SMO: variants seen among roughly 807,000 people sequenced by gnomAD.
The protein encoded by SMO is smoothened, frizzled class receptor.
Under a neutral mutation model 81.6 loss-of-function variants are expected in SMO, and 40 were observed. The observed-to-expected ratio is 0.49, with a 90% CI of 0.38 to 0.64. The LOEUF (loss-of-function observed/expected upper bound fraction) is 0.64, where lower values mean the gene tolerates loss of function less well. SMO is among the 30% of genes least tolerant of loss of function. The pLI is 0.00. For missense variants in SMO, 916 were observed against 1,061.1 expected (o/e 0.86, Z 1.90); for synonymous variants, 434 against 432.1 (o/e 1.00, Z -0.05).
rs763192441 is a variant in SMO at position 129,208,845 on chromosome 7, C to T, written c.1351C>T (p.Arg451Cys). The change falls in exon 7 of 12, where the codon CGC becomes TGC. Residue 451 changes from arginine to cysteine, a missense_variant. Coordinates refer to ENST00000249373, the MANE Select transcript of SMO (RefSeq NM_005631.5). This position sits in a 1 kb window ranked among gnomAD's most constrained non-coding sequence, Gnocchi z 5.2. ...CAGCAAGATCAACGAGACCATGCTG[C>T]GCCTGGGTGAGTGGCCCCGGGGGAC... ...AASKINETML[R>C]LGIFGFLAFG... The T allele has an allele frequency of 6.2e-6, 10 of 1,612,072 alleles. No individual in the cohort carries two copies. The highest frequency in any genetic ancestry group is 3.3e-5 in the Admixed American group (2 of 59,972).
rs2150638393 is a variant in SMO at position 129,189,429 on chromosome 7, C to G, written c.278C>G (p.Ala93Gly). Reference protein sequence around the residue: ...LPYGATSTLLAGDSDSQEEAH... With the variant: ...LPYGATSTLLGGDSDSQEEAH... ...TACGGGGCCACCTCCACACTGCTGG[C>G]CGGAGACTCGGACTCCCAGGAGGAA... Residue 93 changes from alanine to glycine, a missense_variant, in exon 1 of 12, where the codon GCC (alanine) becomes GGC (glycine). Physicochemically the swap from Ala to Gly is moderately conservative, Grantham distance 60. Around this residue, in one of 4 missense-constraint regions of SMO, gnomAD observed 146 missense variants for 149.9 expected, o/e 0.97. Coordinates refer to ENST00000249373, the MANE Select transcript of SMO (RefSeq NM_005631.5). The surrounding 1 kb of genome is among the most constrained non-coding windows in gnomAD (Gnocchi z 4.7). 6.5e-7 allele frequency: 1 copy of G among 1,538,856 alleles called. No homozygotes were observed. The highest frequency in any genetic ancestry group is 8.7e-7 in the Non-Finnish European group (1 of 1,146,794).
chr7:129,202,061 C>T (rs1159622102), intron 1 of SMO, among the ~76,000 whole-genome samples: 1 of 152,154 alleles, frequency 6.6e-6, no homozygotes, highest in African/African-American at 2.4e-5. Context: ...GCTCTGCACC[C>T]TGGAATATAC....
At chr7:129,209,753 A>C (rs1391520086) in intron 8 of SMO, 1 of 255,332 alleles carries the variant, frequency 3.9e-6, no homozygotes, top group East Asian at 8.4e-5. Flanking sequence ...GCACAGGACT[A>C]GTTACCTCTC....
chr7:129,191,171 C>T (rs1366146917), intron 1 of SMO, among the ~76,000 whole-genome samples: 1 of 152,174 alleles, frequency 6.6e-6, no homozygotes, highest in African/African-American at 2.4e-5. Context: ...TGTGCAAGGA[C>T]CCATGGTTTA....
chr7:129,204,241 G>A (rs1220342311), intron 2 of SMO, among the ~76,000 whole-genome samples: 1 of 152,008 alleles, frequency 6.6e-6, no homozygotes, highest in Non-Finnish European at 1.5e-5. Flanking sequence ...GCTGAGACAC[G>A]AGAATCGCTT....
chr7:129,212,198 T>G lies in SMO; in HGVS notation c.2111T>G (p.Leu704Arg). ...CCTGCCCCCAGTACCATTCCTCGAC[T>G]GCCTCAGCTGCCCCGGCAGAAATGC... ...PAPAPSTIPR[L>R]PQLPRQKCLV... The change falls in exon 12 of 12, where the codon CTG becomes CGG. Residue 704 changes from leucine (L) to arginine (R), a missense_variant. Leu to Arg is a moderately radical substitution (Grantham distance 102, BLOSUM62 -2). This residue lies in a region of SMO where 324 missense variants were observed against 312.9 expected (regional missense o/e 1.04). Transcript: ENST00000249373. This position sits in a 1 kb window ranked among gnomAD's most constrained non-coding sequence, Gnocchi z 5.0. The G allele has an allele frequency of 6.4e-7, 1 of 1,563,630 alleles. No individual in the cohort carries two copies. Among genetic ancestry groups the G allele is most frequent in the East Asian group, 2.4e-5 (1 of 41,638 alleles).
rs1210513035 is a variant in SMO at position 129,211,090 on chromosome 7, CTG to C, written c.1782_1783del (p.Ser595ProfsTer11). 4 of 1,611,660 alleles carry C rather than the reference CTG, an allele frequency of 2.5e-6. No individual in the cohort carries two copies. The highest frequency in any genetic ancestry group is 3.4e-5 in the Admixed American group (2 of 59,596). On this transcript the variant is annotated frameshift_variant, in exon 10 of 12. Transcript: ENST00000249373. LOFTEE classifies it high-confidence loss of function. This position sits in a 1 kb window ranked among gnomAD's most constrained non-coding sequence, Gnocchi z 4.6. The stretch of plus-strand genomic sequence containing the variant: ...CAGGAGCTGTCCTTCAGCATGCACA[CTG>C]TGTCCCACGACGGGCCCGTGGGTGA...
In SMO at chr7:129,189,616, C is replaced by A; in HGVS notation, c.331+134C>A. 1 of 995,688 alleles carries A rather than the reference C, an allele frequency of 1.0e-6. No homozygotes were observed. The highest frequency in any genetic ancestry group is 1.4e-6 in the Non-Finnish European group (1 of 694,498). 61.7% of individuals were successfully genotyped at this position (995,688 alleles called of 1,614,324 possible). ...ACCCGGGAGAGTTGGAGGGACAGAT[C>A]CCGAAACTTTGGGGGCAGGTTACGT... On this transcript the variant is annotated intron_variant, in intron 1 of 11. Transcript: ENST00000249373. This position sits in a 1 kb window ranked among gnomAD's most constrained non-coding sequence, Gnocchi z 4.7.
Position 129,206,351 on chromosome 7 carries a change from A to G in SMO, c.1122A>G (p.Ala374=). 1.2e-6 allele frequency: 2 copies of G among 1,614,144 alleles called. No individual in the cohort carries two copies. The highest frequency in any genetic ancestry group is 1.6e-4 in the Middle Eastern group (1 of 6,062). ...CACTCCCCTTTGTCCTCACTGTGGC[A>G]ATCCTTGCTGTGGCGCAGGTATAGT... ...TWSLPFVLTV[A]ILAVAQVDGD... The change falls in exon 5 of 12, where the codon GCA becomes GCG. Residue 374 remains alanine (A), a synonymous_variant. Transcript: ENST00000249373. The surrounding 1 kb of genome is among the most constrained non-coding windows in gnomAD (Gnocchi z 4.4).
rs199786214 is a variant in SMO, at chr7:129,205,442, C to G, written c.747+30C>G. The G allele has an allele frequency of 1.1e-5, 18 of 1,593,504 alleles. No homozygotes were observed. The East Asian group carries it at 3.8e-4, about 34-fold the overall frequency. On this transcript the variant is annotated intron_variant, in intron 3 of 11. Transcript: ENST00000249373. ...GCCGCGGGAGGGCAGGCCCGGGGGG[C>G]CCTCAGCCTGGAACGTGGGAAGAGA...
Position 129,203,460 on chromosome 7 carries a change from T to A in SMO, c.408T>A (p.Asn136Lys), listed in dbSNP as rs1793704114. 2 of 1,581,636 alleles carry A rather than the reference T, an allele frequency of 1.3e-6. No individual in the cohort carries two copies. The highest frequency in any genetic ancestry group is 2.7e-5 in the African/African-American group (2 of 74,316). The change falls in exon 2 of 12, where the codon AAT (asparagine) becomes AAA (lysine). Residue 136 changes from asparagine (N) to lysine (K), a missense_variant. Around this residue, in one of 4 missense-constraint regions of SMO, gnomAD observed 436 missense variants for 570.9 expected, o/e 0.76. Coordinates refer to ENST00000249373, the MANE Select transcript of SMO (RefSeq NM_005631.5). Reference sequence around the variant, plus strand: ...CCGTATACATGCCCAAGTGTGAGAATGACCGGGTGGAGCTGCCCAGCCGTA... The same window carrying A: ...CCGTATACATGCCCAAGTGTGAGAAAGACCGGGTGGAGCTGCCCAGCCGTA... ...LCAVYMPKCE[N>K]DRVELPSRTL...
At position 129,210,938 on chromosome 7, in the gene SMO, C is replaced by A. The variant is rs1302326720; in HGVS notation, c.1653-27C>A. On this transcript the variant is annotated intron_variant, in intron 9 of 11. Transcript: ENST00000249373. The surrounding 1 kb of genome is among the most constrained non-coding windows in gnomAD (Gnocchi z 4.7). ...GATGGGAAGTGGCAGCTTCTTCACG[C>A]TCCTTCCCTATCCCTTCTGCTCTCA... 3 of 1,567,640 alleles carry A rather than the reference C, an allele frequency of 1.9e-6. No individual in the cohort carries two copies. Among genetic ancestry groups the A allele is most frequent in the Non-Finnish European group, 1.7e-6 (2 of 1,155,200 alleles).
In SMO at chr7:129,210,408, C is replaced by T. The variant is rs1793850215; in HGVS notation, c.1512C>T (p.Ile504=). Reference sequence around the variant, plus strand: ...TCGGGCTGCCCACCAAGCAGCCCATCCCTGACTGTGAGATCAAGAATCGCC... The same window carrying T: ...TCGGGCTGCCCACCAAGCAGCCCATTCCTGACTGTGAGATCAAGAATCGCC... The part of the protein sequence containing the change: ...VTIGLPTKQP[I]PDCEIKNRPS... The change falls in exon 9 of 12, where the codon ATC becomes ATT. Residue 504 remains isoleucine (I), a synonymous_variant. Coordinates refer to ENST00000249373, the MANE Select transcript of SMO (RefSeq NM_005631.5). This position sits in a 1 kb window ranked among gnomAD's most constrained non-coding sequence, Gnocchi z 4.7. 5 of 1,614,186 alleles carry T rather than the reference C, an allele frequency of 3.1e-6. No homozygotes were observed. Among genetic ancestry groups the T allele is most frequent in the Non-Finnish European group, 2.5e-6 (3 of 1,179,986 alleles).
rs2150657101 is a variant in SMO at position 129,212,327 on chromosome 7, C to T, written c.2240C>T (p.Pro747Leu). 6.2e-7 allele frequency: 1 copy of T among 1,614,188 alleles called. No individual in the cohort carries two copies. The highest frequency in any genetic ancestry group is 1.1e-5 in the South Asian group (1 of 91,088). The change falls in exon 12 of 12, where the codon CCA becomes CTA. Residue 747 changes from proline (P) to leucine (L), a missense_variant. Physicochemically the swap from Pro to Leu is moderately conservative, Grantham distance 98 (BLOSUM62 -3). Transcript: ENST00000249373. This position sits in a 1 kb window ranked among gnomAD's most constrained non-coding sequence, Gnocchi z 5.0. ...FCPEPSPPQD[P>L]FLPSAPAPVA... ...CCAGAGCCCAGTCCCCCTCAGGATCCATTTCTGCCCAGTGCACCGGCCCCC... is the reference window on the plus strand; with the variant it reads ...CCAGAGCCCAGTCCCCCTCAGGATCTATTTCTGCCCAGTGCACCGGCCCCC...
chr7:129,191,600 C>T (rs987596710), intron 1 of SMO, among the ~76,000 whole-genome samples: 1 of 152,084 alleles, frequency 6.6e-6, no homozygotes, highest in Non-Finnish European at 1.5e-5. Context: ...ACCCAAGCCT[C>T]GTGTGAGAAT....
chr7:129,201,334 A>G (rs1255317059), intron 1 of SMO, among the ~76,000 whole-genome samples: 2 of 152,146 alleles, frequency 1.3e-5, no homozygotes, highest in Non-Finnish European at 2.9e-5. Context: ...TTGAGCCACC[A>G]TGCCCAGCCG....
chr7:129,196,217 A>G (rs962501844), intron 1 of SMO, among the ~76,000 whole-genome samples: 3 of 151,574 alleles, frequency 2.0e-5, no homozygotes, highest in Admixed American at 6.6e-5. Context: ...TTTTTTTCCC[A>G]TTGAAATTCA....
chr7:129,194,030 GT>G (rs1171960047), intron 1 of SMO, among the ~76,000 whole-genome samples: 1 of 150,692 alleles, frequency 6.6e-6, no homozygotes, highest in Middle Eastern at 3.2e-3. Flanking sequence ...AACCCAAGAG[GT>G]TGAGGCTGCA....
chr7:129,192,955 G>A (rs1450669274), intron 1 of SMO, among the ~76,000 whole-genome samples: 1 of 152,202 alleles, frequency 6.6e-6, no homozygotes. Context: ...GAAGTTTATA[G>A]CTCAGGTTGG....
Sources: gnomAD v4.1 joint callset for allele counts (sites outside exome capture counted in the v4.1 genomes callset) on GRCh38, gnomAD v4.1.1 for gene constraint, gnomAD v4.1.1 regional missense constraint, Gnocchi (gnomAD v3.1) non-coding constraint, MANE v1.5 for transcripts, NCBI Gene and HGNC (gene_info 2026-07-23, HGNC 2026-07-21) for gene names.